Variants in UCK2 observed in about 807,000 individuals in gnomAD.
The protein encoded by UCK2 is cytidine monophosphokinase 2.
Under a neutral mutation model 30.8 loss-of-function variants are expected in UCK2, and 6 were observed. That is an observed-to-expected ratio of 0.19 (90% CI 0.11 to 0.38). The LOEUF is 0.38. UCK2 is among the 10% of genes least tolerant of loss of function. The probability of loss-of-function intolerance (pLI) is 1.00; values close to 1 mark genes in which losing one functional copy is unlikely to be tolerated. For missense variants in UCK2, 210 were observed against 339.8 expected (o/e 0.62, Z 3.00); for synonymous variants, 125 against 133.6 (o/e 0.94, Z 0.45).
At chr1:165,876,999 A>G (rs1655353572) in intron 1 of UCK2, among the ~76,000 whole-genome samples, 1 of 152,204 alleles carries the variant, frequency 6.6e-6, no homozygotes, top group Admixed American at 6.5e-5. Flanking sequence ...ACATGTGCAA[A>G]GACCTTTTTT....
At chr1:165,828,164 G>C (rs1056493812) in intron 1 of UCK2, among the ~76,000 whole-genome samples, 8 of 151,994 alleles carry the variant, frequency 5.3e-5, no homozygotes, top group Admixed American at 1.3e-4. Flanking sequence ...CACGATCGCA[G>C]GGCGGGAGTG....
At chr1:165,856,106 C>T (rs1317262137) in intron 1 of UCK2, among the ~76,000 whole-genome samples, 2 of 152,070 alleles carry the variant, frequency 1.3e-5, no homozygotes, top group African/African-American at 2.4e-5. Flanking sequence ...AAGGTTTTAT[C>T]TTTTCTATAT....
intron 1 of UCK2, among the ~76,000 whole-genome samples, chr1:165,870,594 A>G (rs901272406): frequency 6.6e-6 from 1 of 152,216 alleles, no homozygotes; most frequent in African/African-American, 2.4e-5. Context: ...GAAGAGATTC[A>G]AGCCTCTTGC....
intron 1 of UCK2, among the ~76,000 whole-genome samples, chr1:165,839,938 C>T (rs1049724872): frequency 6.6e-6 from 1 of 152,232 alleles, no homozygotes; most frequent in Non-Finnish European, 1.5e-5. Context: ...ACCCCGGCCC[C>T]CGCCCCAGAC....
intron 1 of UCK2, among the ~76,000 whole-genome samples, chr1:165,858,658 C>T (rs1433115293): frequency 2.0e-5 from 3 of 151,996 alleles, no homozygotes; most frequent in Non-Finnish European, 2.9e-5. Flanking sequence ...GCATGGTACT[C>T]GTCCCTTAGC....
intron 1 of UCK2, among the ~76,000 whole-genome samples, chr1:165,863,638 T>C (rs1446016029): frequency 1.3e-5 from 2 of 152,224 alleles, no homozygotes; most frequent in African/African-American, 2.4e-5. Context: ...CAAGGGCTTC[T>C]GAGAGATAAA....
rs1557838630 is a variant in UCK2, at chr1:165,861,656, AAAACAAC to A, written c.100-28546_100-28540del. Among the ~76,000 whole-genome samples the A allele has an allele frequency of 2.2e-4, 19 of 85,832 alleles. 2 individuals are homozygous for A. The highest frequency in any genetic ancestry group is 1.0e-3 in the South Asian group (2 of 1,970). 56.3% of individuals were successfully genotyped at this position (85,832 alleles called of 152,430 possible). On this transcript the variant is annotated intron_variant, in intron 1 of 6. Coordinates refer to ENST00000367879, the MANE Select transcript of UCK2 (RefSeq NM_012474.5). ...AAAAAAAAAAAAAAAAAAACAAAAA[AAAACAAC>A]AGTAAAACTCAATAGCTCTGGTTTA...
At chr1:165,875,888 C>T (rs942456918) in intron 1 of UCK2, among the ~76,000 whole-genome samples, 1 of 152,114 alleles carries the variant, frequency 6.6e-6, no homozygotes, top group African/African-American at 2.4e-5. Context: ...ACGTTCCTTC[C>T]TACAGTGCTT....
intron 1 of UCK2, among the ~76,000 whole-genome samples, chr1:165,869,997 T>G (rs1053961607): frequency 6.6e-6 from 1 of 152,096 alleles, no homozygotes; most frequent in African/African-American, 2.4e-5. Context: ...TTTTTTTCTT[T>G]TGTTGCCTGT....
In UCK2 at chr1:165,896,213, A is replaced by G; in HGVS notation, c.380A>G (p.Tyr127Cys). Residue 127 changes from tyrosine to cysteine, a missense_variant, in exon 4 of 7, where the codon TAT becomes TGT. Physicochemically the swap from Tyr to Cys is radical, Grantham distance 194. Transcript: ENST00000367879. ...AGGAAGGAGGAGACAGTTACTGTCT[A>G]TCCCGCAGACGTGGTGCTCTTTGAA... Reference protein sequence around the residue: ...HSRKEETVTVYPADVVLFEGI... With the variant: ...HSRKEETVTVCPADVVLFEGI... 1.2e-6 allele frequency: 2 copies of G among 1,614,166 alleles called. No individual in the cohort carries two copies. The highest frequency in any genetic ancestry group is 1.7e-6 in the Non-Finnish European group (2 of 1,180,028).
At chr1:165,855,598 C>T (rs1186522072) in intron 1 of UCK2, among the ~76,000 whole-genome samples, 1 of 151,432 alleles carries the variant, frequency 6.6e-6, no homozygotes, top group Non-Finnish European at 1.5e-5. Flanking sequence ...TTGGACATTC[C>T]CGGGTTTCTG....
At chr1:165,891,569 A>T (rs576839876) in intron 3 of UCK2, 2 of 447,822 alleles carry the variant, frequency 4.5e-6, no homozygotes, top group South Asian at 7.1e-5. Flanking sequence ...ACTCTGAAGG[A>T]TGGGATAGTG....
At chr1:165,865,663 C>T (rs767026342) in intron 1 of UCK2, among the ~76,000 whole-genome samples, 12 of 152,022 alleles carry the variant, frequency 7.9e-5, no homozygotes, top group Admixed American at 1.3e-4. Context: ...TGCACTAGGA[C>T]GCTCTTCAAA....
chr1:165,874,505 A>C (rs1253124830), intron 1 of UCK2, among the ~76,000 whole-genome samples: 2 of 152,144 alleles, frequency 1.3e-5, no homozygotes, highest in East Asian at 3.8e-4. Flanking sequence ...CAGCCTCCCA[A>C]AACAAAGGTC....
At chr1:165,865,180 T>G (rs1472819624) in intron 1 of UCK2, among the ~76,000 whole-genome samples, 1 of 152,252 alleles carries the variant, frequency 6.6e-6, no homozygotes, top group African/African-American at 2.4e-5. Flanking sequence ...TAATCCACTT[T>G]TGTGCAATGA....
intron 1 of UCK2, among the ~76,000 whole-genome samples, chr1:165,834,810 C>G (rs1295224868): frequency 1.3e-5 from 2 of 152,174 alleles, no homozygotes; most frequent in Non-Finnish European, 2.9e-5. Context: ...TGAATGCCTA[C>G]ACTTAACCTT....
chr1:165,905,888 G>A (rs1434381901), intron 5 of UCK2, 33 bp from the exon 6 acceptor site: 5 of 1,607,782 alleles, frequency 3.1e-6, no homozygotes, highest in Non-Finnish European at 4.3e-6. Context: ...TCTCTTAACT[G>A]TATTAATGCA....
chr1:165,851,419 C>T (rs1441275927), intron 1 of UCK2, among the ~76,000 whole-genome samples: 3 of 152,074 alleles, frequency 2.0e-5, no homozygotes, highest in Non-Finnish European at 2.9e-5. Flanking sequence ...TAGGAGTGCC[C>T]TCAGCCCAAC....
intron 1 of UCK2, chr1:165,885,258 G>A (rs1655590211): frequency 2.5e-6 from 1 of 395,120 alleles, no homozygotes; most frequent in South Asian, 1.3e-4. Context: ...TCAGCTTTGG[G>A]ACTGAGCAAA....
Sources: gnomAD v4.1 joint callset for allele counts (sites outside exome capture counted in the v4.1 genomes callset) on GRCh38, gnomAD v4.1.1 for gene constraint, MANE v1.5 for transcripts, NCBI Gene and HGNC (gene_info 2026-07-23, HGNC 2026-07-21) for gene names.